Variants in DENND4C observed in about 807,000 individuals in gnomAD.
The protein encoded by DENND4C is DENN domain-containing protein 4C.
Under a neutral mutation model 203.0 loss-of-function variants are expected in DENND4C, and 108 were observed. That is an observed-to-expected ratio of 0.53 (90% CI 0.46 to 0.62). The LOEUF is 0.62. Ranked by LOEUF, DENND4C falls within the 20% of genes least tolerant of loss-of-function variation. The pLI, the probability that DENND4C is intolerant of heterozygous loss-of-function variation, is 0.00. For synonymous variants in DENND4C, 871 were observed against 792.4 expected (o/e 1.10, Z -1.67); for missense variants, 2,481 against 2,301.2 (o/e 1.08, Z -1.60).
chr9:19,247,717 T>G (rs1258102726), intron 1 of DENND4C, among the ~76,000 whole-genome samples: 1 of 152,220 alleles, frequency 6.6e-6, no homozygotes, highest in Non-Finnish European at 1.5e-5. Context: ...CTACATCTCT[T>G]GAATATTTTA....
At chr9:19,363,579 T>A (rs1485998018) in intron 30 of DENND4C, among the ~76,000 whole-genome samples, 1 of 152,104 alleles carries the variant, frequency 6.6e-6, no homozygotes, top group East Asian at 1.9e-4. Flanking sequence ...AAAGGCCTTA[T>A]CTCCAAATAG....
intron 9 of DENND4C, among the ~76,000 whole-genome samples, chr9:19,301,147 C>G (rs377756694): frequency 1.3e-5 from 2 of 150,610 alleles, no homozygotes; most frequent in African/African-American, 4.9e-5. Context: ...CATTGCACTC[C>G]AGCCTGGGCA....
chr9:19,367,196 T>C (rs75162462), intron 30 of DENND4C, among the ~76,000 whole-genome samples: 77 of 151,936 alleles, frequency 5.1e-4, no homozygotes, highest in African/African-American at 1.7e-3. Flanking sequence ...TAATAACGAG[T>C]TAGTGAAGAT....
chr9:19,311,184 C>T (rs1588893593), intron 10 of DENND4C, among the ~76,000 whole-genome samples: 1 of 152,056 alleles, frequency 6.6e-6, no homozygotes, highest in East Asian at 1.9e-4. Flanking sequence ...AGTAGAGTGG[C>T]CCAATCTTGG....
chr9:19,319,085 C>A (rs558164759), intron 12 of DENND4C, among the ~76,000 whole-genome samples: 1 of 151,654 alleles, frequency 6.6e-6, no homozygotes, highest in East Asian at 1.9e-4. Flanking sequence ...AGGAGAATCG[C>A]TTCATCCCGC....
At chr9:19,368,239 A>G (rs1028130972) in intron 30 of DENND4C, among the ~76,000 whole-genome samples, 10 of 150,516 alleles carry the variant, frequency 6.6e-5, no homozygotes, top group Non-Finnish European at 1.3e-4. Context: ...TCCTGTTATC[A>G]TAACAGAGGA....
chr9:19,356,907 A>G (rs2132154928), intron 26 of DENND4C, 65 bp from the exon 27 acceptor site: 3 of 1,416,158 alleles, frequency 2.1e-6, no homozygotes, highest in Non-Finnish European at 2.9e-6. Context: ...GATTCTAAAT[A>G]TGATAGAATT....
chr9:19,352,125 T>C lies in DENND4C; in HGVS notation c.4548T>C (p.Asp1516=), dbSNP rs755057519. The change falls in exon 25 of 33, where the codon GAT becomes GAC. Residue 1516 remains aspartate (D), a synonymous_variant. Transcript: ENST00000434457. ...GMKGQDFEKS[D]HGSSQNTSMS... is the part of the protein sequence containing the mutation. ...AAGGGCAAGACTTTGAAAAATCAGA[T>C]CATGGTTCTTCTCAAAATACCAGCA... 5.0e-6 allele frequency: 8 copies of C among 1,613,796 alleles called. No homozygotes were observed. Among genetic ancestry groups the C allele is most frequent in the Non-Finnish European group, 6.8e-6 (8 of 1,179,918 alleles).
rs747259905 is a variant in DENND4C, at chr9:19,371,742, T to A, written c.5676-14T>A. ...TATTTGCCCATTGACTTTTAAAACA[T>A]ATTTGTTTTATAGGAGTTTATACAG... is the stretch of plus-strand genomic sequence containing the variant. On this transcript the variant is annotated splice_polypyrimidine_tract_variant and intron_variant, in intron 31 of 32. Transcript: ENST00000434457. 1.5e-6 allele frequency: 2 copies of A among 1,313,584 alleles called. No individual in the cohort carries two copies. The highest frequency in any genetic ancestry group is 4.2e-5 in the Admixed American group (2 of 48,160). 81.4% of individuals were successfully genotyped at this position (1,313,584 alleles called of 1,614,324 possible).
rs563332551 is a variant in DENND4C at position 19,362,260 on chromosome 9, C to T, written c.5524+297C>T. ...CTGCACTCCAGCCTGGGTGTCAGAG[C>T]AAGATTGTATCTCAAACAAAACAAA... On this transcript the variant is annotated intron_variant, in intron 30 of 32. Transcript: ENST00000434457. 2.6e-5 allele frequency among the ~76,000 whole-genome samples: 4 copies of T among 152,108 alleles called. No individual in the cohort carries two copies. In the South Asian group the frequency reaches 8.3e-4, roughly 32 times the overall value.
rs1010396390 is a variant in DENND4C at position 19,326,110 on chromosome 9, A to G, written c.2036A>G (p.Asp679Gly). The G allele has an allele frequency of 6.2e-7, 1 of 1,613,156 alleles. No homozygotes were observed. Among genetic ancestry groups the G allele is most frequent in the African/African-American group, 1.3e-5 (1 of 75,020 alleles). The change falls in exon 15 of 33, where the codon GAT (aspartate) becomes GGT (glycine). Residue 679 changes from aspartate (D) to glycine (G), a missense_variant. Transcript: ENST00000434457. ...GATACCAGATTGATAGAACTAGATG[A>G]TTCACAGAAAAGTGAGCATACTGTA... ...AEDTRLIELD[D>G]SQKSEHTVFI...
At position 19,372,960 on chromosome 9, in the gene DENND4C, T is replaced by G. The variant is rs1256352607; in HGVS notation, c.*787T>G. 6.6e-6 allele frequency: 1 copy of G among 151,990 alleles called. No homozygotes were observed. Among genetic ancestry groups the G allele is most frequent in the Admixed American group, 6.6e-5 (1 of 15,246 alleles). 9.4% of individuals were successfully genotyped at this position (151,990 alleles called of 1,614,324 possible). A position where few individuals can be genotyped will look rare whatever the true frequency, so the allele number is the denominator to read the frequency against. The stretch of plus-strand genomic sequence containing the variant: ...TATATACAGCCATATTCTAAGTGTA[T>G]ATTTATTAAAATAGATTGCATGTTG... On this transcript the variant is annotated 3_prime_UTR_variant, in exon 33 of 33. Coordinates refer to ENST00000434457, the MANE Select transcript of DENND4C (RefSeq NM_001330640.2).
intron 10 of DENND4C, among the ~76,000 whole-genome samples, chr9:19,311,119 C>T (rs996992894): frequency 6.6e-6 from 1 of 151,488 alleles, no homozygotes; most frequent in African/African-American, 2.4e-5. Context: ...TTTGAATTTC[C>T]AAAGTTTTTT....
At position 19,326,072 on chromosome 9, in the gene DENND4C, T is replaced by G. The variant is rs1490406413; in HGVS notation, c.1998T>G (p.Phe666Leu). The change falls in exon 15 of 33, where the codon TTT (phenylalanine) becomes TTG (leucine). Residue 666 changes from phenylalanine to leucine, a missense_variant. By Grantham distance (22) the Phe-to-Leu change is conservative. Around this residue, in one of 3 missense-constraint regions of DENND4C, gnomAD observed 2,289 missense variants for 2,113.3 expected, o/e 1.08. Coordinates refer to ENST00000434457, the MANE Select transcript of DENND4C (RefSeq NM_001330640.2). The part of the protein sequence containing the change: ...KGTEKTDKVD[F>L]DSAEDTRLIE... ...AAAATAATGATTTTCAGGTTGATTT[T>G]GATTCAGCAGAAGATACCAGATTGA... 1 of 1,608,432 alleles carries G rather than the reference T, an allele frequency of 6.2e-7. No homozygotes were observed. The highest frequency in any genetic ancestry group is 1.7e-5 in the Admixed American group (1 of 58,616).
chr9:19,334,893 C>T, intron 17 of DENND4C, 84 bp from the exon 18 acceptor site: 2 of 1,311,416 alleles, frequency 1.5e-6, no homozygotes, highest in Non-Finnish European at 2.1e-6. Flanking sequence ...TTAATAACTT[C>T]ATGGAAAGAA....
At position 19,242,131 on chromosome 9, in the gene DENND4C, T is replaced by C. The variant is rs72698373; in HGVS notation, c.-18+11298T>C. The stretch of plus-strand genomic sequence containing the variant: ...CAACTACTGTTTTGTACTATTTCTA[T>C]AGTTTTGCCTTTTCTGGGATGTCTT... On this transcript the variant is annotated intron_variant, in intron 1 of 32. Transcript: ENST00000434457. Among the ~76,000 whole-genome samples the C allele has an allele frequency of 9.0e-3, 1,366 of 152,348 alleles. 6 individuals are homozygous for C. Among genetic ancestry groups the C allele is most frequent in the Non-Finnish European group, 0.014 (979 of 68,030 alleles).
Position 19,352,531 on chromosome 9 carries a change from T to A in DENND4C, c.4647T>A (p.Ala1549=). ...GTTCACAGTGTAGAGCTTGTGGAGC[T>A]TTAGTTTATGATGAAGAAATTATGG... The part of the protein sequence containing the change: ...SSCSQCRACG[A]LVYDEEIMAG... Residue 1549 remains alanine, a synonymous_variant, in exon 26 of 33, where the codon GCT becomes GCA. Transcript: ENST00000434457. 2.5e-6 allele frequency: 4 copies of A among 1,593,928 alleles called. No individual in the cohort carries two copies. Among genetic ancestry groups the A allele is most frequent in the South Asian group, 2.3e-5 (2 of 87,872 alleles).
At chr9:19,259,487 T>C (rs893842949) in intron 1 of DENND4C, among the ~76,000 whole-genome samples, 2 of 151,074 alleles carry the variant, frequency 1.3e-5, no homozygotes, top group African/African-American at 2.4e-5. Context: ...ATATATACCA[T>C]ATTTTCTTTT....
chr9:19,289,897 TTTG>T (rs941665320), intron 4 of DENND4C, among the ~76,000 whole-genome samples: 29 of 152,218 alleles, frequency 1.9e-4, no homozygotes, highest in African/African-American at 2.4e-4. Flanking sequence ...ATGTCCTTTT[TTTG>T]TTGTTGTTGT....
Sources: allele counts gnomAD v4.1 joint callset (sites outside exome capture counted in the v4.1 genomes callset), GRCh38; gene constraint gnomAD v4.1.1; regional missense constraint gnomAD v4.1.1; transcripts MANE v1.5; gene names NCBI Gene and HGNC (gene_info 2026-07-23, HGNC 2026-07-21).